Variants in CYREN observed in about 807,000 individuals in gnomAD.
CYREN encodes the protein cell cycle regulator of NHEJ, also known as cell cycle regulator of non-homologous end joining.
In CYREN, 7 loss-of-function variants were observed where a neutral mutation model predicts 9.7. The observed-to-expected ratio is 0.72, with a 90% CI of 0.41 to 1.36. The LOEUF is 1.36. Among genes scored for constraint, CYREN ranks in the 40% most tolerant of loss-of-function variants. CYREN has a pLI of 0.01. For missense variants in CYREN, 215 were observed against 198.1 expected, an observed-to-expected ratio of 1.09 and a Z score of -0.51; for synonymous variants, 76 against 77.9, an observed-to-expected ratio of 0.98 and a Z score of 0.13.
chr7:135,128,952 G>T, intron 2 of CYREN: 1 of 1,573,628 alleles, frequency 6.4e-7, no homozygotes. Context: ...TAAGAAGCTG[G>T]GTAGTGAATG....
chr7:135,133,603 C>A (rs1156930239), intron 2 of CYREN, among the ~76,000 whole-genome samples: 1 of 152,026 alleles, frequency 6.6e-6, no homozygotes, highest in Non-Finnish European at 1.5e-5. Flanking sequence ...GAGGCAAAAA[C>A]CAAGAAATAG....
At chr7:135,114,609 T>C (rs1230024459) in intron 2 of CYREN, among the ~76,000 whole-genome samples, 5 of 152,068 alleles carry the variant, frequency 3.3e-5, no homozygotes, top group African/African-American at 1.2e-4. Context: ...CATCCAATTC[T>C]TTAGAAAATC....
chr7:135,168,704 G>A, intron 2 of CYREN, 82 bp downstream of exon 2: 2 of 1,545,654 alleles, frequency 1.3e-6, no homozygotes, highest in Non-Finnish European at 1.7e-6. Flanking sequence ...TTCTGCCTAG[G>A]CTGGAAGACC....
chr7:135,162,434 T>A (rs1459964262), downstream of CYREN, among the ~76,000 whole-genome samples: 2 of 152,222 alleles, frequency 1.3e-5, no homozygotes, highest in African/African-American at 4.8e-5. Context: ...TAGTCCATTT[T>A]CATACTGCTA....
At chr7:135,161,558 A>C (rs1368916729), downstream of CYREN, among the ~76,000 whole-genome samples, 1 of 152,246 alleles carries the variant, frequency 6.6e-6, no homozygotes. The surrounding 1 kb of genome is among the most constrained non-coding windows in gnomAD (Gnocchi z 4.1). Flanking sequence ...AGGCTTTTAC[A>C]AACATTTACT....
chr7:135,131,955 A>G (rs955305401), intron 2 of CYREN, among the ~76,000 whole-genome samples: 24 of 152,278 alleles, frequency 1.6e-4, no homozygotes, highest in African/African-American at 5.3e-4. Context: ...TCAATAAAAT[A>G]TGAACTACCC....
At chr7:135,097,306 T>C (rs527601593) in intron 2 of CYREN, among the ~76,000 whole-genome samples, 1 of 152,152 alleles carries the variant, frequency 6.6e-6, no homozygotes, top group Non-Finnish European at 1.5e-5. Context: ...CTACAGTGTA[T>C]CAAGTGATAC....
intron 2 of CYREN, 81 bp downstream of exon 2, chr7:135,168,705 C>T: frequency 6.5e-7 from 1 of 1,548,756 alleles, no homozygotes; most frequent in Non-Finnish European, 8.7e-7. Context: ...TCTGCCTAGG[C>T]TGGAAGACCT....
chr7:135,133,128 C>T (rs907442561), intron 2 of CYREN, among the ~76,000 whole-genome samples: 3 of 151,762 alleles, frequency 2.0e-5, no homozygotes, highest in Non-Finnish European at 2.9e-5. Context: ...TTATGCTAGG[C>T]CTCAGAATAC....
chr7:135,115,387 C>A (rs1324062905), intron 2 of CYREN: 3 of 1,549,656 alleles, frequency 1.9e-6, no homozygotes, highest in Non-Finnish European at 8.7e-7. Flanking sequence ...CAGATCTGCA[C>A]CACAACTTAA....
intron 2 of CYREN, among the ~76,000 whole-genome samples, chr7:135,146,608 C>T (rs1401745606): frequency 6.6e-6 from 1 of 152,044 alleles, no homozygotes; most frequent in African/African-American, 2.4e-5. Flanking sequence ...AAACTATAAC[C>T]AATTTGGATA....
At chr7:135,128,953 G>T (rs546515011) in intron 2 of CYREN, 25 of 1,574,662 alleles carry the variant, frequency 1.6e-5, no homozygotes, top group Non-Finnish European at 2.0e-5. Flanking sequence ...AAGAAGCTGG[G>T]TAGTGAATGC....
chr7:135,105,593 G>T (rs1364897689), intron 2 of CYREN, among the ~76,000 whole-genome samples: 1 of 152,122 alleles, frequency 6.6e-6, no homozygotes, highest in Non-Finnish European at 1.5e-5. Flanking sequence ...TGGTCTATGT[G>T]TCTGTTTTTG....
intron 2 of CYREN, among the ~76,000 whole-genome samples, chr7:135,155,659 G>A (rs1362046767): frequency 1.3e-5 from 2 of 152,082 alleles, no homozygotes; most frequent in Admixed American, 6.5e-5. Context: ...AAGACCAACC[G>A]GGGCAAAATA....
chr7:135,164,631 T>A (rs1410807960), downstream of CYREN: 1 of 1,613,704 alleles, frequency 6.2e-7, no homozygotes. Flanking sequence ...CACCCTACAG[T>A]GTCACCAGTT....
chr7:135,108,742 T>C (rs1053986255), intron 2 of CYREN, among the ~76,000 whole-genome samples: 17 of 152,260 alleles, frequency 1.1e-4, no homozygotes, highest in Middle Eastern at 3.2e-3. Context: ...TGATGGCCTC[T>C]CTAGCAAAGT....
At chr7:135,139,136 T>C (rs115758764) in intron 2 of CYREN, among the ~76,000 whole-genome samples, 10,724 of 152,140 alleles carry the variant, frequency 0.07, 431 homozygotes, top group African/African-American at 0.089. Flanking sequence ...GGTCAGATGA[T>C]AGTTGTGTTT....
chr7:135,134,113 A>G (rs1005592607), intron 2 of CYREN, among the ~76,000 whole-genome samples: 3 of 152,150 alleles, frequency 2.0e-5, no homozygotes, highest in African/African-American at 7.2e-5. Context: ...CAAGAGGGCA[A>G]CATGGGGGCA....
intron 2 of CYREN, among the ~76,000 whole-genome samples, chr7:135,116,480 C>CTTTA (rs1826328959): frequency 6.6e-6 from 1 of 152,134 alleles, no homozygotes; most frequent in African/African-American, 2.4e-5. Context: ...GTAGTAAAAA[C>CTTTA]CCTGACTCTT....
Sources: allele counts gnomAD v4.1 joint callset (sites outside exome capture counted in the v4.1 genomes callset), GRCh38; gene constraint gnomAD v4.1.1; non-coding constraint Gnocchi (gnomAD v3.1); transcripts MANE v1.5; gene names NCBI Gene and HGNC (gene_info 2026-07-23, HGNC 2026-07-21).